Variants in RBFOX1 observed in about 807,000 individuals in gnomAD.
RBFOX1 encodes the protein RNA binding protein fox-1 homolog 1.
Under a neutral mutation model 57.7 loss-of-function variants are expected in RBFOX1, and 8 were observed. The observed-to-expected ratio is 0.14, with a 90% confidence interval of 0.08 to 0.25. The LOEUF (loss-of-function observed/expected upper bound fraction) is 0.25. Among genes scored for constraint, RBFOX1 ranks in the 10% least tolerant of loss-of-function variants. RBFOX1 has a pLI of 1.00. For synonymous variants in RBFOX1, 326 were observed against 222.4 expected, an observed-to-expected ratio of 1.47 and a Z score of -4.15; for missense variants, 611 against 548.5, an observed-to-expected ratio of 1.11 and a Z score of -1.14.
chr16:5,656,568 C>T (rs151284681), intron 3 of RBFOX1, among the ~76,000 whole-genome samples: 2,513 of 152,272 alleles, frequency 0.017, 34 homozygotes, highest in South Asian at 0.036. Context: ...TGTCCATCAC[C>T]TCTAAAAGTT....
At chr16:6,984,456 C>G (rs935008363) in intron 3 of RBFOX1, among the ~76,000 whole-genome samples, 2 of 152,046 alleles carry the variant, frequency 1.3e-5, no homozygotes, top group Non-Finnish European at 2.9e-5. Flanking sequence ...AATATATATC[C>G]CTATGGATGA....
chr16:7,133,736 C>T (rs887579580), intron 4 of RBFOX1, among the ~76,000 whole-genome samples: 1 of 151,810 alleles, frequency 6.6e-6, no homozygotes, highest in African/African-American at 2.4e-5. Context: ...TTTCTTTAGA[C>T]GTAGAATAAC....
chr16:6,673,504 C>A (rs1409711861), intron 3 of RBFOX1, among the ~76,000 whole-genome samples: 2 of 152,134 alleles, frequency 1.3e-5, no homozygotes, highest in African/African-American at 4.8e-5. Flanking sequence ...AGGAGAATCA[C>A]CTGAACCCAG....
At chr16:7,614,784 G>C (rs2058150838) in intron 10 of RBFOX1, 1 of 152,118 alleles carries the variant, frequency 6.6e-6, no homozygotes, top group Non-Finnish European at 1.5e-5. Context: ...TGAACACCTT[G>C]TTTCTCCTCA....
At chr16:5,932,676 A>G (rs574495834) in intron 4 of RBFOX1, among the ~76,000 whole-genome samples, 5 of 152,340 alleles carry the variant, frequency 3.3e-5, no homozygotes, top group African/African-American at 7.2e-5. Flanking sequence ...AGTTTCATCA[A>G]TGTCATGGAA....
At chr16:6,803,062 T>A (rs759816806) in intron 3 of RBFOX1, among the ~76,000 whole-genome samples, 1 of 152,198 alleles carries the variant, frequency 6.6e-6, no homozygotes, top group Non-Finnish European at 1.5e-5. Context: ...CTCAAAATGT[T>A]ACTTTGTGTG....
intron 2 of RBFOX1, among the ~76,000 whole-genome samples, chr16:6,645,712 A>G (rs1254447791): frequency 2.2e-4 from 34 of 152,174 alleles, no homozygotes; most frequent in Admixed American, 2.2e-3. Flanking sequence ...AATCAGAACC[A>G]GGTTTCACAA....
rs569331447 is a variant in RBFOX1 at position 7,142,342 on chromosome 16, G to GA, written c.27+90251dup. On this transcript the variant is annotated intron_variant, in intron 4 of 15. Coordinates refer to ENST00000550418, the MANE Select transcript of RBFOX1 (RefSeq NM_018723.4). ...CCTAGCCAAGTCCCATTTCACTTAGGAAAAAAATCAGACTGGTTACCATGC... is the reference window on the plus strand; with the variant it reads ...CCTAGCCAAGTCCCATTTCACTTAGGAAAAAAAATCAGACTGGTTACCATGC... Among the ~76,000 whole-genome samples the GA allele has an allele frequency of 2.6e-3, 389 of 152,124 alleles. 1 individual carries two copies. Among genetic ancestry groups the GA allele is most frequent in the Non-Finnish European group, 4.3e-3 (292 of 67,984 alleles).
chr16:6,676,811 G>T (rs559046061), intron 3 of RBFOX1, among the ~76,000 whole-genome samples: 118 of 151,406 alleles, frequency 7.8e-4, no homozygotes, highest in Non-Finnish European at 1.2e-3. Flanking sequence ...TAGTAGCTGG[G>T]ATTACAGGCA....
chr16:6,172,864 A>G (rs2096971938), intron 1 of RBFOX1, among the ~76,000 whole-genome samples: 2 of 152,118 alleles, frequency 1.3e-5, no homozygotes, highest in Admixed American at 1.3e-4. Context: ...AGTGGTCAGA[A>G]CTCGACACTA....
At chr16:6,057,128 G>A (rs1013759702) in intron 1 of RBFOX1, 1 of 152,022 alleles carries the variant, frequency 6.6e-6, no homozygotes, top group African/African-American at 2.4e-5. Context: ...ATCCCTATAA[G>A]CAAAAACATA....
At chr16:5,422,209 T>A (rs1362284173) in intron 1 of RBFOX1, among the ~76,000 whole-genome samples, 11 of 126,518 alleles carry the variant, frequency 8.7e-5, no homozygotes, top group African/African-American at 3.1e-4. Context: ...AGGAGAAAGG[T>A]GGAGGAGAGA....
chr16:6,263,165 GAGA>G (rs1422907997), intron 1 of RBFOX1, among the ~76,000 whole-genome samples: 2 of 152,170 alleles, frequency 1.3e-5, no homozygotes, highest in African/African-American at 2.4e-5. Flanking sequence ...GCCTTATATA[GAGA>G]AGATGTCTTA....
At position 6,934,216 on chromosome 16, in the gene RBFOX1, A is replaced by G. The variant is rs138228000; in HGVS notation, c.-15-117841A>G. ...AGTTCCTGGTCTAGGGATTCTTGCT[A>G]TAGAACTACAGAGCGGTAACTTGAG... On this transcript the variant is annotated intron_variant, in intron 3 of 15. Transcript: ENST00000550418. Among the ~76,000 whole-genome samples the G allele has an allele frequency of 2.2e-3, 342 of 152,306 alleles. 2 individuals are homozygous for G. The highest frequency in any genetic ancestry group is 0.017 in the Middle Eastern group (5 of 294).
intron 3 of RBFOX1, among the ~76,000 whole-genome samples, chr16:5,767,682 A>G: frequency 6.6e-6 from 1 of 152,260 alleles, no homozygotes; most frequent in East Asian, 1.9e-4. Flanking sequence ...TGGCTTTCCA[A>G]TGGACTCCTG....
At chr16:7,173,054 A>C (rs920259101) in intron 4 of RBFOX1, among the ~76,000 whole-genome samples, 1 of 152,196 alleles carries the variant, frequency 6.6e-6, no homozygotes, top group Non-Finnish European at 1.5e-5. Context: ...AGATATTAGT[A>C]CCCAACAAGT....
intron 2 of RBFOX1, among the ~76,000 whole-genome samples, chr16:6,498,433 C>A (rs904791451): frequency 1.3e-5 from 2 of 152,036 alleles, no homozygotes; most frequent in African/African-American, 4.8e-5. Flanking sequence ...AGAAGACAGA[C>A]CAGTTAGCTT....
Position 6,509,810 on chromosome 16 carries a change from A to G in RBFOX1, c.-63-144793A>G, listed in dbSNP as rs551064522. On this transcript the variant is annotated intron_variant, in intron 2 of 15. Coordinates refer to ENST00000550418, the MANE Select transcript of RBFOX1 (RefSeq NM_018723.4). ...TATCTCATGTAACTCATAAATATAT[A>G]CACTTACCATGTTCTCCCAAACATG... Among the ~76,000 whole-genome samples the G allele has an allele frequency of 4.6e-5, 7 of 152,342 alleles. No homozygotes were observed. In the South Asian group the frequency reaches 1.0e-3, roughly 23 times the overall value.
chr16:6,941,274 C>G (rs568553251), intron 3 of RBFOX1, among the ~76,000 whole-genome samples: 1 of 119,846 alleles, frequency 8.3e-6, no homozygotes, highest in Non-Finnish European at 1.7e-5. Flanking sequence ...TTCCTCTCTC[C>G]CTCCCTTCCC....
Sources: allele counts gnomAD v4.1 joint callset (sites outside exome capture counted in the v4.1 genomes callset), GRCh38; gene constraint gnomAD v4.1.1; transcripts MANE v1.5; gene names NCBI Gene and HGNC (gene_info 2026-07-23, HGNC 2026-07-21).